Variants in AATK observed in about 807,000 individuals in gnomAD.
The protein encoded by AATK is serine/threonine-protein kinase LMTK1.
In AATK, 91 loss-of-function variants were observed where a neutral mutation model predicts 114.3. The observed-to-expected ratio is 0.80, with a 90% CI of 0.67 to 0.95. AATK has a LOEUF of 0.95. AATK is among the 40% of genes least tolerant of loss of function. The pLI is 0.00. For synonymous variants in AATK, 1,075 were observed against 916.5 expected (o/e 1.17, Z -3.12); for missense variants, 2,176 against 1,965.2 (o/e 1.11, Z -2.03).
intron 1 of AATK, among the ~76,000 whole-genome samples, chr17:81,140,179 G>C (rs2146355392): frequency 6.6e-6 from 1 of 152,278 alleles, no homozygotes; most frequent in South Asian, 2.1e-4. Flanking sequence ...GTGCCACCGG[G>C]CCTGGCTGGT....
chr17:81,132,133 A>G (rs897712560), intron 2 of AATK: 2 of 822,702 alleles, frequency 2.4e-6, no homozygotes, highest in East Asian at 6.8e-5. Context: ...TCCTGGGCCC[A>G]GCTGAAAGCA....
intron 1 of AATK, among the ~76,000 whole-genome samples, chr17:81,155,323 T>C (rs1598216070): frequency 6.6e-6 from 1 of 152,214 alleles, no homozygotes. Context: ...CAGGTGCACA[T>C]GCTCACCCAC....
chr17:81,119,621 G>A (rs1322833234), intron 12 of AATK, 41 bp from the exon 13 acceptor site: 3 of 1,526,398 alleles, frequency 2.0e-6, no homozygotes, highest in Non-Finnish European at 2.6e-6. Flanking sequence ...TCACAGCCTG[G>A]GACCCCGGCC....
chr17:81,165,511 C>G (rs1010119069), intron 1 of AATK: 5 of 637,358 alleles, frequency 7.8e-6, no homozygotes, highest in Admixed American at 6.0e-5. Flanking sequence ...CTCTGAGAAT[C>G]GCTCCCAGCC....
chr17:81,118,929 G>A (rs887852731), intron 13 of AATK, among the ~76,000 whole-genome samples: 1 of 152,250 alleles, frequency 6.6e-6, no homozygotes, highest in Non-Finnish European at 1.5e-5. Flanking sequence ...GATGAGCCCA[G>A]CCTGGGGTGG....
chr17:81,157,356 G>C (rs2061379332), intron 1 of AATK, among the ~76,000 whole-genome samples: 1 of 152,218 alleles, frequency 6.6e-6, no homozygotes, highest in South Asian at 2.1e-4. Flanking sequence ...CCAACCTGGG[G>C]CTGCACTTGC....
Position 81,120,979 on chromosome 17 carries a change from A to T in AATK, c.2957T>A (p.Leu986His). 2.5e-6 allele frequency: 4 copies of T among 1,610,106 alleles called. 1 individual carries two copies. The Middle Eastern group carries it at 5.0e-4, about 200-fold the overall frequency. Residue 986 changes from leucine to histidine, a missense_variant, in exon 11 of 14, where the codon CTC becomes CAC. This residue lies in a region of AATK where 1,701 missense variants were observed against 1,394.7 expected (regional missense o/e 1.22). Coordinates refer to ENST00000326724, the MANE Select transcript of AATK (RefSeq NM_001080395.3). The stretch of plus-strand genomic sequence containing the variant: ...GTCTCGGTAGGGATTCTTCTCGTTG[A>T]GGCCACTGAGGGAGGTGGAGAGCCG... ...ETRLSTSLSG[L>H]NEKNPYRDSA...
At chr17:81,162,615 C>G (rs554946102) in intron 1 of AATK, among the ~76,000 whole-genome samples, 3 of 152,290 alleles carry the variant, frequency 2.0e-5, no homozygotes, top group African/African-American at 7.2e-5. Context: ...GGCTCGCTGC[C>G]TCCTCTGCCC....
intron 7 of AATK, chr17:81,125,492 C>T (rs2060799724): frequency 2.8e-6 from 1 of 356,926 alleles, no homozygotes; most frequent in African/African-American, 2.1e-5. Context: ...CATGCCCACT[C>T]AGAGCTGGAG....
At chr17:81,119,836 G>A in intron 12 of AATK, 100 bp downstream of exon 12, 2 of 1,364,564 alleles carry the variant, frequency 1.5e-6, no homozygotes, top group South Asian at 1.6e-5. Context: ...AGGACCAGGT[G>A]CTCCTCCCAT....
intron 7 of AATK, 113 bp from the exon 8 acceptor site, chr17:81,125,127 T>A: frequency 1.1e-6 from 1 of 880,222 alleles, no homozygotes; most frequent in South Asian, 1.7e-5. Context: ...CAGCACAGGG[T>A]CCTTTGCCAA....
At chr17:81,149,254 C>T (rs1040606058) in intron 1 of AATK, among the ~76,000 whole-genome samples, 4 of 152,182 alleles carry the variant, frequency 2.6e-5, no homozygotes, top group African/African-American at 9.7e-5. Context: ...CATCACCCAC[C>T]ACCACAGCCT....
intron 1 of AATK, among the ~76,000 whole-genome samples, chr17:81,145,031 G>C (rs750865682): frequency 1.3e-5 from 2 of 152,038 alleles, no homozygotes; most frequent in Non-Finnish European, 2.9e-5. Context: ...TCAGGAGTTC[G>C]AGACCATCCT....
chr17:81,146,809 A>G (rs928155640), intron 1 of AATK, among the ~76,000 whole-genome samples: 1 of 151,626 alleles, frequency 6.6e-6, no homozygotes, highest in Non-Finnish European at 1.5e-5. Context: ...TAACATGTCC[A>G]GTTTCCAGAC....
chr17:81,137,703 A>G (rs1454170378), intron 1 of AATK, among the ~76,000 whole-genome samples: 8 of 152,090 alleles, frequency 5.3e-5, no homozygotes, highest in Non-Finnish European at 1.2e-4. Flanking sequence ...CATGAAACAC[A>G]CATGCACACA....
At chr17:81,163,152 C>A (rs2859612) in intron 1 of AATK, among the ~76,000 whole-genome samples, 43,047 of 152,124 alleles carry the variant, frequency 0.28, 7,253 homozygotes, top group East Asian at 0.4. Flanking sequence ...AGGCTGAGCG[C>A]GCCTCTCCAG....
Position 81,122,204 on chromosome 17 carries a change from G to T in AATK, c.1732C>A (p.Leu578Met). Residue 578 changes from leucine to methionine, a missense_variant, in exon 11 of 14, where the codon CTG (leucine) becomes ATG (methionine). Leu to Met is a conservative substitution (Grantham distance 15). Coordinates refer to ENST00000326724, the MANE Select transcript of AATK (RefSeq NM_001080395.3). ...ACGTCGACGGGTGGCCCGTGGCCCA[G>T]CAGCGGCTCCATGGCCAGCGAGGCG... is the stretch of plus-strand genomic sequence containing the variant. The part of the protein sequence containing the change: ...TAASLAMEPL[L>M]GHGPPVDVPW... 2.0e-6 allele frequency: 3 copies of T among 1,501,934 alleles called. No individual in the cohort carries two copies. The highest frequency in any genetic ancestry group is 1.8e-6 in the Non-Finnish European group (2 of 1,127,458). 93.0% of individuals were successfully genotyped at this position (1,501,934 alleles called of 1,614,324 possible).
intron 1 of AATK, among the ~76,000 whole-genome samples, chr17:81,151,392 A>G (rs2061295404): frequency 1.0e-5 from 1 of 97,262 alleles, no homozygotes; most frequent in South Asian, 4.3e-4. Context: ...TAACTTTTCT[A>G]TGACGCAAGG....
chr17:81,127,464 G>A, intron 6 of AATK, 119 bp downstream of exon 6: 1 of 1,001,996 alleles, frequency 1.0e-6, no homozygotes, highest in Non-Finnish European at 1.5e-6. Context: ...AGGGTCCCTG[G>A]GTCTTGGCTT....
Sources: gnomAD v4.1 joint callset for allele counts (sites outside exome capture counted in the v4.1 genomes callset) on GRCh38, gnomAD v4.1.1 for gene constraint, gnomAD v4.1.1 regional missense constraint, MANE v1.5 for transcripts, NCBI Gene and HGNC (gene_info 2026-07-23, HGNC 2026-07-21) for gene names.